Variants in ANO4 observed in about 807,000 individuals in gnomAD.
ANO4 encodes the protein anoctamin 4.
Under a neutral mutation model 141.9 loss-of-function variants are expected in ANO4, and 69 were observed. That is an observed-to-expected ratio of 0.49 (90% confidence interval 0.40 to 0.59). The LOEUF (loss-of-function observed/expected upper bound fraction) is 0.59, where lower values mean the gene tolerates loss of function less well. Among genes scored for constraint, ANO4 ranks in the 20% least tolerant of loss-of-function variants. The pLI is 0.00. For missense variants in ANO4, 894 were observed against 1,162.2 expected, an observed-to-expected ratio of 0.77 and a Z score of 3.36; for synonymous variants, 350 against 394.3, an observed-to-expected ratio of 0.89 and a Z score of 1.33.
intron 15 of ANO4, among the ~76,000 whole-genome samples, chr12:101,081,837 C>T (rs1203910938): frequency 4.6e-5 from 7 of 152,106 alleles, no homozygotes; most frequent in East Asian, 1.9e-4. Context: ...GTCTTCACAT[C>T]GTCTTCCCCC....
intron 22 of ANO4, among the ~76,000 whole-genome samples, chr12:101,106,891 G>A (rs201356361): frequency 2.0e-5 from 3 of 146,470 alleles, no homozygotes. Flanking sequence ...CTCTTCCCTT[G>A]AAAAAAAAAA....
chr12:100,942,739 C>T (rs1592788074), intron 5 of ANO4, among the ~76,000 whole-genome samples: 1 of 152,148 alleles, frequency 6.6e-6, no homozygotes, highest in Non-Finnish European at 1.5e-5. Context: ...CCAAATGATT[C>T]CATGAAAATC....
At chr12:101,098,377 G>C (rs1308563750) in intron 21 of ANO4, among the ~76,000 whole-genome samples, 2 of 152,182 alleles carry the variant, frequency 1.3e-5, no homozygotes. Context: ...GGATGACCTT[G>C]AATTCTGCTG....
intron 8 of ANO4, among the ~76,000 whole-genome samples, chr12:101,010,488 C>T (rs2046040715): frequency 6.6e-6 from 1 of 152,130 alleles, no homozygotes. Context: ...TTTGGCCTGA[C>T]AATCTTCTCA....
chr12:100,723,415 G>A (rs1259413100), intron 1 of ANO4, among the ~76,000 whole-genome samples: 1 of 152,054 alleles, frequency 6.6e-6, no homozygotes, highest in Non-Finnish European at 1.5e-5. Flanking sequence ...GGATGCTCAC[G>A]TGGCCTTTCC....
chr12:101,066,343 G>A lies in ANO4; in HGVS notation c.1313-12850G>A, dbSNP rs574798361. On this transcript the variant is annotated intron_variant, in intron 14 of 27. Transcript: ENST00000392977. ...AATTATCCTTGTTTACAGATGATAT[G>A]ATTTTATATTTGGAAAAAACCTAAA... 2.1e-4 allele frequency among the ~76,000 whole-genome samples: 32 copies of A among 152,254 alleles called. No homozygotes were observed. In the South Asian group the frequency reaches 6.6e-3, roughly 32 times the overall value.
chr12:100,831,856 A>G (rs2036648122), intron 1 of ANO4, among the ~76,000 whole-genome samples: 1 of 152,142 alleles, frequency 6.6e-6, no homozygotes, highest in East Asian at 1.9e-4. Context: ...ATAGAGTGGG[A>G]CTAGATGATT....
chr12:100,883,706 A>G (rs1052727970), intron 1 of ANO4, among the ~76,000 whole-genome samples: 3 of 152,246 alleles, frequency 2.0e-5, no homozygotes, highest in Non-Finnish European at 4.4e-5. Flanking sequence ...ACTATCTGCT[A>G]CTTGACTCAA....
At chr12:100,800,622 A>C (rs981649045) in intron 1 of ANO4, among the ~76,000 whole-genome samples, 1 of 152,218 alleles carries the variant, frequency 6.6e-6, no homozygotes, top group Non-Finnish European at 1.5e-5. Flanking sequence ...AAATTAGCTA[A>C]ACTTATTTGC....
chr12:100,764,864 C>G (rs1446260932), intron 3 of ANO4, among the ~76,000 whole-genome samples: 1 of 152,086 alleles, frequency 6.6e-6, no homozygotes, highest in African/African-American at 2.4e-5. Context: ...ATTCATTGTG[C>G]TGATATTTTG....
At chr12:101,071,351 A>C (rs114372227) in intron 14 of ANO4, among the ~76,000 whole-genome samples, 1 of 151,848 alleles carries the variant, frequency 6.6e-6, no homozygotes, top group South Asian at 2.1e-4. Flanking sequence ...AAAAAAAAAA[A>C]AGAGAATGAC....
At chr12:100,754,123 G>A (rs2032507264) in intron 3 of ANO4, among the ~76,000 whole-genome samples, 2 of 152,328 alleles carry the variant, frequency 1.3e-5, no homozygotes, top group Admixed American at 6.5e-5. Flanking sequence ...ATGTGAGGGT[G>A]ACTAAGACAT....
chr12:100,868,225 C>A (rs1418037324), intron 1 of ANO4, among the ~76,000 whole-genome samples: 2 of 152,176 alleles, frequency 1.3e-5, no homozygotes, highest in Non-Finnish European at 2.9e-5. Flanking sequence ...CAGCATGCAC[C>A]TGAGGCAGCA....
upstream of ANO4, among the ~76,000 whole-genome samples, chr12:100,790,530 C>T (rs773141710): frequency 2.6e-5 from 4 of 152,036 alleles, no homozygotes; most frequent in East Asian, 5.8e-4. Context: ...TAAATGCACA[C>T]GCTAATTTTC....
At chr12:101,113,283 A>G (rs1252218637) in intron 24 of ANO4, among the ~76,000 whole-genome samples, 1 of 152,196 alleles carries the variant, frequency 6.6e-6, no homozygotes, top group Non-Finnish European at 1.5e-5. Context: ...GGTGAAATCT[A>G]TCTTGTTTTA....
At chr12:101,035,952 C>T (rs927190378) in intron 9 of ANO4, among the ~76,000 whole-genome samples, 7 of 152,128 alleles carry the variant, frequency 4.6e-5, no homozygotes, top group Non-Finnish European at 2.9e-5. Flanking sequence ...CCCCAACACA[C>T]AATTTACCCA....
chr12:101,025,318 A>T (rs563169673), intron 9 of ANO4, among the ~76,000 whole-genome samples: 1 of 152,376 alleles, frequency 6.6e-6, no homozygotes, highest in African/African-American at 2.4e-5. Context: ...TAGTTTCTAG[A>T]CAGCACCATG....
chr12:100,880,920 C>G (rs571986774), intron 1 of ANO4, among the ~76,000 whole-genome samples: 1 of 152,254 alleles, frequency 6.6e-6, no homozygotes, highest in Admixed American at 6.5e-5. Flanking sequence ...ATCTAGTGTA[C>G]TCTTAAAAGG....
At chr12:101,088,159 C>T (rs945469331) in intron 17 of ANO4, among the ~76,000 whole-genome samples, 8 of 152,154 alleles carry the variant, frequency 5.3e-5, no homozygotes, top group Admixed American at 6.5e-5. Flanking sequence ...TTCTTTTACT[C>T]ACTGTGATTC....
Sources: gnomAD v4.1 joint callset for allele counts (sites outside exome capture counted in the v4.1 genomes callset) on GRCh38, gnomAD v4.1.1 for gene constraint, MANE v1.5 for transcripts, NCBI Gene and HGNC (gene_info 2026-07-23, HGNC 2026-07-21) for gene names.